Variants in EFHC2 observed in about 807,000 individuals in gnomAD.
The protein encoded by EFHC2 is EF-hand domain-containing family member C2.
EFHC2 carries 18 observed loss-of-function variants against 52.7 expected under a neutral mutation model. That is an observed-to-expected ratio of 0.34 (90% CI 0.24 to 0.51). The LOEUF (loss-of-function observed/expected upper bound fraction) is 0.51, where lower values mean the gene tolerates loss of function less well. Among genes scored for constraint, EFHC2 ranks in the 20% least tolerant of loss-of-function variants. The probability of loss-of-function intolerance (pLI) is 0.97; values close to 1 mark genes in which losing one functional copy is unlikely to be tolerated. For synonymous variants in EFHC2, 203 were observed against 204.1 expected, an observed-to-expected ratio of 0.99 and a Z score of 0.04; for missense variants, 513 against 562.5, an observed-to-expected ratio of 0.91 and a Z score of 0.89.
intron 11 of EFHC2, among the ~76,000 whole-genome samples, chrX:44,199,874 A>G (rs2036993759): frequency 8.9e-6 from 1 of 112,230 alleles, no homozygotes; most frequent in Non-Finnish European, 1.9e-5. Context: ...ACATTCTACA[A>G]AATAATTGAC....
chrX:44,148,473 G>C lies in EFHC2; in HGVS notation c.*322C>G, dbSNP rs1191446378. The C allele has an allele frequency of 1.2e-5, 2 of 173,819 alleles. No homozygotes were observed. Among genetic ancestry groups the C allele is most frequent in the Non-Finnish European group, 2.1e-5 (2 of 95,936 alleles). The allele number at this position is 173,819 out of a possible 1,213,427, so 14.3% of individuals were successfully genotyped here. On this transcript the variant is annotated 3_prime_UTR_variant, in exon 15 of 15. Coordinates refer to ENST00000420999, the MANE Select transcript of EFHC2 (RefSeq NM_025184.4). ...GTATTGTCATGTATAACCTTCAAAAGTCATTTTCTGTTCATATAGTAATGA... is the reference window on the plus strand; with the variant it reads ...GTATTGTCATGTATAACCTTCAAAACTCATTTTCTGTTCATATAGTAATGA...
chrX:44,184,357 C>A (rs1385163350), intron 11 of EFHC2, among the ~76,000 whole-genome samples: 1 of 111,967 alleles, frequency 8.9e-6, no homozygotes, highest in African/African-American at 3.3e-5. Context: ...TGTTCCTTCA[C>A]CTCCTGTAGG....
chrX:44,232,725 C>G, intron 9 of EFHC2, 48 bp from the exon 10 acceptor site: 1 of 1,094,805 alleles, frequency 9.1e-7, no homozygotes, highest in Non-Finnish European at 1.2e-6. Flanking sequence ...CTTAAAAGAA[C>G]CACGTGACTT....
At chrX:44,280,491 CT>C (rs985241872) in intron 2 of EFHC2, among the ~76,000 whole-genome samples, 2 of 111,762 alleles carry the variant, frequency 1.8e-5, no homozygotes, top group African/African-American at 6.5e-5. Flanking sequence ...AATAATGCCC[CT>C]ACTAGCATCA....
chrX:44,309,711 C>T (rs2037931775), intron 2 of EFHC2: 11 of 1,011,133 alleles, frequency 1.1e-5, no homozygotes, highest in Non-Finnish European at 1.4e-5. Context: ...CATTGGAAAA[C>T]GTGAGGCCAG....
chrX:44,242,592 C>T (rs1349348836), intron 7 of EFHC2, among the ~76,000 whole-genome samples: 3 of 110,526 alleles, frequency 2.7e-5, no homozygotes, highest in African/African-American at 6.6e-5. Flanking sequence ...TTTTGTTCTC[C>T]TCTGATTTTT....
chrX:44,162,369 G>C (rs1048514698), intron 14 of EFHC2, among the ~76,000 whole-genome samples: 2 of 111,467 alleles, frequency 1.8e-5, no homozygotes, highest in Non-Finnish European at 3.8e-5. Context: ...GTTGTGGTGA[G>C]CTGAGATCAT....
At chrX:44,180,492 G>A (rs994913927) in intron 11 of EFHC2, among the ~76,000 whole-genome samples, 3 of 111,807 alleles carry the variant, frequency 2.7e-5, no homozygotes, top group African/African-American at 6.5e-5. Flanking sequence ...TCGTAATCCC[G>A]GCACTTAGGG....
chrX:44,175,415 C>T (rs2036778761), intron 13 of EFHC2, among the ~76,000 whole-genome samples: 1 of 111,147 alleles, frequency 9.0e-6, no homozygotes, highest in Non-Finnish European at 1.9e-5. Flanking sequence ...GTCAAGACAT[C>T]CTAATCTACT....
At chrX:44,237,845 C>T (rs976626682) in intron 8 of EFHC2, among the ~76,000 whole-genome samples, 2 of 111,148 alleles carry the variant, frequency 1.8e-5, no homozygotes, top group Non-Finnish European at 1.9e-5. Context: ...CCCCAAGCTC[C>T]TAATTGGGGA....
At chrX:44,219,903 G>C (rs1174010795) in intron 11 of EFHC2, among the ~76,000 whole-genome samples, 2 of 111,469 alleles carry the variant, frequency 1.8e-5, no homozygotes, top group Non-Finnish European at 3.8e-5. Flanking sequence ...GCCAGCATCT[G>C]CCATTAGCTG....
At chrX:44,312,536 G>C (rs761422961) in intron 2 of EFHC2, 32 bp downstream of exon 2, 2 of 1,109,868 alleles carry the variant, frequency 1.8e-6, no homozygotes. Context: ...AAAATGCTAA[G>C]ACTGCATTCC....
intron 11 of EFHC2, among the ~76,000 whole-genome samples, chrX:44,213,789 G>T (rs1005121647): frequency 2.7e-5 from 3 of 111,766 alleles, no homozygotes; most frequent in African/African-American, 9.8e-5. Context: ...AGGGAAGAGG[G>T]TATAATGAAG....
intron 1 of EFHC2, among the ~76,000 whole-genome samples, chrX:44,332,584 A>G (rs1023114423): frequency 9.0e-6 from 1 of 111,286 alleles, no homozygotes; most frequent in African/African-American, 3.3e-5. Context: ...TTCTGCAACT[A>G]TAGAAACAGA....
chrX:44,301,629 C>T (rs1191133006), intron 2 of EFHC2, among the ~76,000 whole-genome samples: 1 of 111,920 alleles, frequency 8.9e-6, no homozygotes, highest in Non-Finnish European at 1.9e-5. Flanking sequence ...GCTGTGTAAT[C>T]ATCACCACAA....
rs754388810 is a variant in EFHC2 at position 44,258,375 on chromosome X, A to T, written c.606+2700T>A. On this transcript the variant is annotated intron_variant, in intron 4 of 14. Transcript: ENST00000420999. ...CTACAGAATGGAAGAAAATTTTTGC[A>T]ATCTATCCAACTGACAAAGGGCTAA... is the stretch of plus-strand genomic sequence containing the variant. Among the ~76,000 whole-genome samples the T allele has an allele frequency of 5.9e-4, 65 of 110,195 alleles. No homozygotes were observed. The Admixed American group carries it at 6.2e-3, about 11-fold the overall frequency.
At chrX:44,269,512 C>T (rs768514755) in intron 3 of EFHC2, among the ~76,000 whole-genome samples, 6 of 111,167 alleles carry the variant, frequency 5.4e-5, no homozygotes, top group African/African-American at 1.6e-4. Context: ...GTGTTGTCTT[C>T]GCAGTAATGT....
chrX:44,242,561 A>C (rs1258033221), intron 7 of EFHC2, among the ~76,000 whole-genome samples: 1 of 110,926 alleles, frequency 9.0e-6, no homozygotes, highest in Non-Finnish European at 1.9e-5. Context: ...TTTTGTCATC[A>C]CATTCCCATT....
rs1204116280 is a variant in EFHC2, at chrX:44,148,147, C to A, written c.*648G>T. On this transcript the variant is annotated 3_prime_UTR_variant, in exon 15 of 15. Coordinates refer to ENST00000420999, the MANE Select transcript of EFHC2 (RefSeq NM_025184.4). ...TAATTATACACACATGCATATATTC[C>A]TAAGCTAACAAGCTGACTTTAGATA... 2.7e-5 allele frequency: 3 copies of A among 110,132 alleles called. No individual in the cohort carries two copies. The highest frequency in any genetic ancestry group is 9.9e-5 in the African/African-American group (3 of 30,199). The allele number at this position is 110,132 out of a possible 1,213,427, so 9.1% of individuals were successfully genotyped here.
Sources: allele counts gnomAD v4.1 joint callset (sites outside exome capture counted in the v4.1 genomes callset), GRCh38; gene constraint gnomAD v4.1.1; transcripts MANE v1.5; gene names NCBI Gene and HGNC (gene_info 2026-07-23, HGNC 2026-07-21).